CA10: variants seen among roughly 807,000 people sequenced by gnomAD.
The protein encoded by CA10 is carbonic anhydrase-related protein 10.
Under a neutral mutation model 44.2 loss-of-function variants are expected in CA10, and 14 were observed. The ratio of observed to expected loss-of-function variants is 0.32; its 90% CI spans 0.21 to 0.50. CA10 has a LOEUF of 0.50. CA10 is among the 20% of genes least tolerant of loss of function. The pLI is 0.99. For synonymous variants in CA10, 159 were observed against 141.6 expected (o/e 1.12, Z -0.87); for missense variants, 350 against 409.7 (o/e 0.85, Z 1.26).
chr17:51,831,150 G>C (rs1908225151), intron 3 of CA10, among the ~76,000 whole-genome samples: 1 of 152,154 alleles, frequency 6.6e-6, no homozygotes, highest in South Asian at 2.1e-4. Flanking sequence ...TGCAGAACTG[G>C]AGCTGAGAGC....
chr17:51,839,970 TACTCA>T (rs1400816669), intron 3 of CA10, among the ~76,000 whole-genome samples: 1 of 152,234 alleles, frequency 6.6e-6, no homozygotes, highest in African/African-American at 2.4e-5. Context: ...AGAAAGTAAA[TACTCA>T]ACTCCTTTTA....
intron 2 of CA10, among the ~76,000 whole-genome samples, chr17:52,054,209 GAA>G: frequency 1.3e-5 from 2 of 152,292 alleles, no homozygotes; most frequent in Admixed American, 1.3e-4. Flanking sequence ...ACATCCCTGA[GAA>G]AGAGAATGTG....
intron 1 of CA10, among the ~76,000 whole-genome samples, chr17:52,088,695 C>G (rs775836141): frequency 1.1e-4 from 17 of 152,082 alleles, no homozygotes; most frequent in Non-Finnish European, 1.9e-4. Flanking sequence ...GGCATTTTCC[C>G]CCTCAAACAA....
At position 51,879,015 on chromosome 17, in the gene CA10, GATT is replaced by G. The variant is rs903991808; in HGVS notation, c.279+51972_279+51974del. ...CAAAATAACCACTTTTGGCATTTTA[GATT>G]ATTGTTTTCATTTTTAAATAAAAAC... On this transcript the variant is annotated intron_variant, in intron 3 of 8. Coordinates refer to ENST00000451037, the MANE Select transcript of CA10 (RefSeq NM_020178.5). Among the ~76,000 whole-genome samples the G allele has an allele frequency of 2.9e-4, 43 of 148,906 alleles. 1 individual carries two copies. The highest frequency in any genetic ancestry group is 1.1e-3 in the African/African-American group (43 of 40,606).
chr17:51,678,065 G>A (rs538417644), intron 4 of CA10, among the ~76,000 whole-genome samples: 1 of 152,168 alleles, frequency 6.6e-6, no homozygotes. Flanking sequence ...CCATGAAAAG[G>A]AAGAAATGAC....
intron 2 of CA10, among the ~76,000 whole-genome samples, chr17:51,994,311 G>A (rs957623501): frequency 5.9e-5 from 9 of 151,946 alleles, no homozygotes; most frequent in Non-Finnish European, 1.3e-4. Context: ...AGACTTCCAA[G>A]GATAATGATG....
chr17:51,830,195 C>CAA (rs1220410518), intron 3 of CA10, among the ~76,000 whole-genome samples: 5,622 of 89,458 alleles, frequency 0.063, 265 homozygotes, highest in African/African-American at 0.12. Context: ...GACTCCATCT[C>CAA]AAAAAAAAAA....
chr17:51,882,599 G>T (rs182413597), intron 3 of CA10, among the ~76,000 whole-genome samples: 1 of 152,166 alleles, frequency 6.6e-6, no homozygotes, highest in Non-Finnish European at 1.5e-5. Flanking sequence ...TGATAATGCC[G>T]CCTGATTTAG....
chr17:51,717,526 C>A, intron 4 of CA10, among the ~76,000 whole-genome samples: 2 of 43,280 alleles, frequency 4.6e-5, no homozygotes. Context: ...GATAAAGAAA[C>A]TGGTATATAT....
At chr17:52,016,010 C>T (rs1024314389) in intron 2 of CA10, among the ~76,000 whole-genome samples, 4 of 152,024 alleles carry the variant, frequency 2.6e-5, no homozygotes, top group African/African-American at 9.7e-5. Flanking sequence ...TAGAGGTAGA[C>T]ATTGGAGTCT....
At chr17:51,761,004 C>T (rs899952549) in intron 3 of CA10, among the ~76,000 whole-genome samples, 4 of 152,150 alleles carry the variant, frequency 2.6e-5, no homozygotes, top group Admixed American at 1.3e-4. Context: ...ACATTTCAAT[C>T]GCGGCATGTG....
In CA10 at chr17:51,910,208, C is replaced by T. The variant is rs557733108; in HGVS notation, c.279+20782G>A. Among the ~76,000 whole-genome samples, 285 of 152,194 alleles carry T rather than the reference C, an allele frequency of 1.9e-3. 1 individual carries two copies. The highest frequency in any genetic ancestry group is 6.5e-3 in the African/African-American group (268 of 41,544). On this transcript the variant is annotated intron_variant, in intron 3 of 8. Coordinates refer to ENST00000451037, the MANE Select transcript of CA10 (RefSeq NM_020178.5). ...CATGGTGAGAGGGCAGCATTAGAGACAATGTACTCAATCCCCCTTGATCCT... is the reference window on the plus strand; with the variant it reads ...CATGGTGAGAGGGCAGCATTAGAGATAATGTACTCAATCCCCCTTGATCCT...
intron 3 of CA10, among the ~76,000 whole-genome samples, chr17:51,832,438 C>T (rs1908317985): frequency 6.6e-6 from 1 of 152,158 alleles, no homozygotes; most frequent in Non-Finnish European, 1.5e-5. Context: ...AGGTGTGTTG[C>T]AAAACAATGT....
intron 3 of CA10, among the ~76,000 whole-genome samples, chr17:51,851,427 TCA>T (rs1366382687): frequency 6.6e-6 from 1 of 152,196 alleles, no homozygotes; most frequent in Admixed American, 6.5e-5. Context: ...CCATCTTGCC[TCA>T]GTTTCCTCAC....
At chr17:52,147,844 A>G (rs527702788) in intron 1 of CA10, among the ~76,000 whole-genome samples, 3 of 152,124 alleles carry the variant, frequency 2.0e-5, no homozygotes, top group Non-Finnish European at 2.9e-5. Flanking sequence ...GAAATTAACA[A>G]TAGGGCCCCT....
chr17:51,962,840 G>C (rs1983943267), intron 2 of CA10, among the ~76,000 whole-genome samples: 1 of 152,074 alleles, frequency 6.6e-6, no homozygotes, highest in African/African-American at 2.4e-5. Context: ...GAAAAAAATG[G>C]TGCAAAAATT....
At chr17:51,980,226 A>T (rs753361421) in intron 2 of CA10, among the ~76,000 whole-genome samples, 3 of 152,004 alleles carry the variant, frequency 2.0e-5, no homozygotes, top group African/African-American at 7.2e-5. Flanking sequence ...AGCCATTCTG[A>T]CTGGTGTGAG....
At chr17:51,998,578 AC>A (rs1381943786) in intron 2 of CA10, among the ~76,000 whole-genome samples, 5 of 151,982 alleles carry the variant, frequency 3.3e-5, no homozygotes, top group Non-Finnish European at 5.9e-5. Flanking sequence ...CTCTGGCAGT[AC>A]CCCTTTTCAC....
rs532269281 is a variant in CA10 at position 51,714,236 on chromosome 17, G to A, written c.465+33397C>T. On this transcript the variant is annotated intron_variant, in intron 4 of 8. Coordinates refer to ENST00000451037, the MANE Select transcript of CA10 (RefSeq NM_020178.5). ...TCCATCTCTTTCTTAAAGAGGCAAA[G>A]TCTCATAGGGGAACAAGCATAGATT... 5.9e-5 allele frequency among the ~76,000 whole-genome samples: 9 copies of A among 152,288 alleles called. No individual in the cohort carries two copies. The South Asian group carries it at 6.2e-4, about 11-fold the overall frequency.
Sources: allele counts gnomAD v4.1 joint callset (sites outside exome capture counted in the v4.1 genomes callset), GRCh38; gene constraint gnomAD v4.1.1; transcripts MANE v1.5; gene names NCBI Gene and HGNC (gene_info 2026-07-23, HGNC 2026-07-21).